The following CCDC172 variants were observed in gnomAD, a reference collection of about 807,000 sequenced individuals.
CCDC172 encodes the protein coiled-coil domain containing 172, also known as coiled-coil domain-containing protein 172.
CCDC172 carries 30 observed loss-of-function variants against 38.0 expected under a neutral mutation model. That is an observed-to-expected ratio of 0.79 (90% CI 0.59 to 1.07). CCDC172 has a LOEUF of 1.07. CCDC172 is among the 50% of genes least tolerant of loss of function. The pLI is 0.00. For synonymous variants in CCDC172, 78 were observed against 88.3 expected (o/e 0.88, Z 0.66); for missense variants, 297 against 290.1 (o/e 1.02, Z -0.17).
intron 8 of CCDC172, 97 bp from the exon 9 acceptor site, chr10:116,379,226 C>T: frequency 6.9e-6 from 4 of 582,120 alleles, no homozygotes; most frequent in South Asian, 3.6e-5. Flanking sequence ...TAAGAAATGC[C>T]CAGAATTTAT....
intron 5 of CCDC172, among the ~76,000 whole-genome samples, chr10:116,344,864 T>TA (rs77344850): frequency 0.021 from 2,497 of 116,666 alleles, 22 homozygotes; most frequent in Non-Finnish European, 0.029. Flanking sequence ...TACTTGAAAC[T>TA]AAAAAAAAAA....
chr10:116,358,023 T>C (rs1845020791), intron 7 of CCDC172, 85 bp downstream of exon 7: 2 of 705,540 alleles, frequency 2.8e-6, no homozygotes, highest in Admixed American at 5.9e-5. Context: ...GTGCATCAAT[T>C]ATTAATTTGA....
intron 5 of CCDC172, among the ~76,000 whole-genome samples, chr10:116,345,589 C>T (rs1453600995): frequency 2.0e-5 from 3 of 152,052 alleles, no homozygotes; most frequent in Admixed American, 2.0e-4. Flanking sequence ...TTATCCAGAA[C>T]ATAATGAACT....
chr10:116,375,795 A>T (rs1465430005), intron 7 of CCDC172, among the ~76,000 whole-genome samples: 1 of 152,228 alleles, frequency 6.6e-6, no homozygotes, highest in Non-Finnish European at 1.5e-5. Context: ...ATCACTGGTC[A>T]TTAGAGAAAT....
At chr10:116,371,237 G>GT (rs547001808) in intron 7 of CCDC172, among the ~76,000 whole-genome samples, 210 of 151,688 alleles carry the variant, frequency 1.4e-3, no homozygotes, top group African/African-American at 4.6e-3. Flanking sequence ...TTTATTGAAA[G>GT]TTTTTTTAAA....
intron 7 of CCDC172, among the ~76,000 whole-genome samples, chr10:116,375,500 A>G (rs2134973354): frequency 8.3e-6 from 1 of 121,132 alleles, no homozygotes; most frequent in East Asian, 2.5e-4. Flanking sequence ...CTGTGTCCAC[A>G]TGTTCTCATT....
intron 5 of CCDC172, among the ~76,000 whole-genome samples, chr10:116,353,937 C>T (rs1436746392): frequency 6.6e-6 from 1 of 152,092 alleles, no homozygotes; most frequent in Non-Finnish European, 1.5e-5. Context: ...GCAGTTTGGC[C>T]GTTTCTCAAA....
chr10:116,363,120 T>C (rs1434166078), intron 7 of CCDC172, among the ~76,000 whole-genome samples: 1 of 152,224 alleles, frequency 6.6e-6, no homozygotes, highest in Non-Finnish European at 1.5e-5. Context: ...TACAGATTTC[T>C]TTTTTCATTT....
Position 116,324,629 on chromosome 10 carries a change from T to C in CCDC172, c.-66+16T>C. The C allele has an allele frequency of 5.5e-6, 1 of 183,334 alleles. No homozygotes were observed. The highest frequency in any genetic ancestry group is 1.1e-5 in the Non-Finnish European group (1 of 87,996). The allele number at this position is 183,334 out of a possible 1,614,324, so 11.4% of individuals were successfully genotyped here. A position where few individuals can be genotyped will look rare whatever the true frequency, so the allele number is the denominator to read the frequency against. On this transcript the variant is annotated intron_variant, in intron 1 of 8. Coordinates refer to ENST00000333254, the MANE Select transcript of CCDC172 (RefSeq NM_198515.3). ...AAAAGCCAAGGTCTTGGCAGCCTTT[T>C]TATTTGCCACCAAAGCGAAAAACAA...
chr10:116,365,973 A>G (rs1415893195), intron 7 of CCDC172, among the ~76,000 whole-genome samples: 1 of 152,156 alleles, frequency 6.6e-6, no homozygotes, highest in Non-Finnish European at 1.5e-5. Context: ...TCACTCTATG[A>G]TATTTATACA....
chr10:116,375,926 G>A (rs1845239090), intron 7 of CCDC172, among the ~76,000 whole-genome samples: 1 of 152,158 alleles, frequency 6.6e-6, no homozygotes, highest in Non-Finnish European at 1.5e-5. Context: ...ACTGTTAGTG[G>A]GAGTGTAAAT....
intron 3 of CCDC172, among the ~76,000 whole-genome samples, chr10:116,337,422 T>A (rs1844745102): frequency 6.6e-6 from 1 of 152,062 alleles, no homozygotes; most frequent in Non-Finnish European, 1.5e-5. Flanking sequence ...AGTGCTGGGA[T>A]TACAGGTGTG....
intron 7 of CCDC172, among the ~76,000 whole-genome samples, chr10:116,361,633 A>G (rs1589956964): frequency 6.6e-6 from 1 of 152,206 alleles, no homozygotes; most frequent in South Asian, 2.1e-4. Context: ...GTTTGTGAAG[A>G]GCATATTTGC....
At chr10:116,350,083 AG>A (rs1565717437) in intron 5 of CCDC172, among the ~76,000 whole-genome samples, 1 of 152,196 alleles carries the variant, frequency 6.6e-6, no homozygotes. Context: ...TTAGAGTTAA[AG>A]GAGAGGTCAT....
rs1018235751 is a variant in CCDC172 at position 116,357,481 on chromosome 10, G to C, written c.550G>C (p.Val184Leu). The C allele has an allele frequency of 6.5e-7, 1 of 1,544,122 alleles. No individual in the cohort carries two copies. The highest frequency in any genetic ancestry group is 1.4e-5 in the African/African-American group (1 of 71,072). Residue 184 changes from valine to leucine, a missense_variant and splice_region_variant, in exon 6 of 9, where the codon GTT becomes CTT. Coordinates refer to ENST00000333254, the MANE Select transcript of CCDC172 (RefSeq NM_198515.3). The part of the protein sequence containing the change: ...ELFTLQRKLK[V>L]FEDEENESIC... The stretch of plus-strand genomic sequence containing the variant: ...ATTTACTCTCCAAAGAAAACTTAAA[G>C]GTATTACCTTCATGAGTTAGCTTAT...
At chr10:116,355,106 T>C (rs1233324578) in intron 5 of CCDC172, among the ~76,000 whole-genome samples, 5 of 152,174 alleles carry the variant, frequency 3.3e-5, no homozygotes, top group Non-Finnish European at 7.3e-5. Context: ...GTAGTGTTGA[T>C]AATGTCTAGA....
intron 7 of CCDC172, among the ~76,000 whole-genome samples, chr10:116,371,214 TATTA>T (rs1845182487): frequency 2.6e-5 from 4 of 151,888 alleles, no homozygotes; most frequent in Non-Finnish European, 5.9e-5. Context: ...AAATAATATG[TATTA>T]ATTCTGATTT....
At chr10:116,351,629 G>A (rs1404991647) in intron 5 of CCDC172, among the ~76,000 whole-genome samples, 2 of 151,966 alleles carry the variant, frequency 1.3e-5, no homozygotes, top group Non-Finnish European at 2.9e-5. Context: ...TCGTCATGAG[G>A]AATAATTTTA....
intron 7 of CCDC172, among the ~76,000 whole-genome samples, chr10:116,373,129 C>T (rs894067954): frequency 6.6e-6 from 1 of 152,064 alleles, no homozygotes; most frequent in Non-Finnish European, 1.5e-5. Flanking sequence ...CATGGTGGCT[C>T]ATACCTATAA....
Sources: allele counts gnomAD v4.1 joint callset (sites outside exome capture counted in the v4.1 genomes callset), GRCh38; gene constraint gnomAD v4.1.1; transcripts MANE v1.5; gene names NCBI Gene and HGNC (gene_info 2026-07-23, HGNC 2026-07-21).